Variants in VTI1A observed in about 807,000 individuals in gnomAD.
VTI1A encodes the protein vesicle transport through interaction with t-SNAREs 1A.
In VTI1A, 22 loss-of-function variants were observed where a neutral mutation model predicts 34.9. The observed-to-expected ratio is 0.63, with a 90% CI of 0.45 to 0.90. The LOEUF (loss-of-function observed/expected upper bound fraction) is 0.90, where lower values mean the gene tolerates loss of function less well. Among genes scored for constraint, VTI1A ranks in the 40% least tolerant of loss-of-function variants. The probability of loss-of-function intolerance (pLI) is 0.00; values close to 1 mark genes in which losing one functional copy is unlikely to be tolerated. For synonymous variants in VTI1A, 87 were observed against 97.3 expected (o/e 0.89, Z 0.62); for missense variants, 268 against 275.6 (o/e 0.97, Z 0.20).
intron 5 of VTI1A, among the ~76,000 whole-genome samples, chr10:112,546,100 A>T (rs1851105475): frequency 6.7e-6 from 1 of 149,676 alleles, no homozygotes; most frequent in Non-Finnish European, 1.5e-5. Flanking sequence ...ATGTGTGTAT[A>T]TACGTGTATA....
chr10:112,651,595 C>T (rs1418493320), intron 5 of VTI1A, among the ~76,000 whole-genome samples: 1 of 152,252 alleles, frequency 6.6e-6, no homozygotes, highest in Non-Finnish European at 1.5e-5. Context: ...AGGCGTAAGC[C>T]ACCGTGCCTG....
intron 7 of VTI1A, among the ~76,000 whole-genome samples, chr10:112,781,706 TGGTG>T: frequency 6.6e-6 from 1 of 151,464 alleles, no homozygotes; most frequent in South Asian, 2.1e-4. Context: ...TGGGGTGTGA[TGGTG>T]CACACTCATA....
chr10:112,695,985 G>A (rs888539674), intron 7 of VTI1A, among the ~76,000 whole-genome samples: 1 of 151,980 alleles, frequency 6.6e-6, no homozygotes, highest in Non-Finnish European at 1.5e-5. Context: ...TGTACAAAGT[G>A]CACTAGGCAG....
intron 3 of VTI1A, among the ~76,000 whole-genome samples, chr10:112,509,536 A>T (rs1405073349): frequency 6.6e-6 from 1 of 152,230 alleles, no homozygotes; most frequent in East Asian, 1.9e-4. Context: ...CCTGTGGTTC[A>T]TGTGAGACTC....
rs547213563 is a variant in VTI1A at position 112,543,701 on chromosome 10, A to G, written c.427+5371A>G. Among the ~76,000 whole-genome samples the G allele has an allele frequency of 3.0e-4, 45 of 152,280 alleles. No individual in the cohort carries two copies. In the Middle Eastern group the frequency reaches 0.014, roughly 46 times the overall value. On this transcript the variant is annotated intron_variant, in intron 5 of 7. Coordinates refer to ENST00000393077, the MANE Select transcript of VTI1A (RefSeq NM_145206.4). ...TAGCTTAATTAGATCCCGTTTGTCA[A>G]TTTTGGCTTTTGTTGCCATTGCTTT...
intron 7 of VTI1A, among the ~76,000 whole-genome samples, chr10:112,777,082 T>C (rs1851974770): frequency 6.6e-6 from 1 of 152,226 alleles, no homozygotes; most frequent in Non-Finnish European, 1.5e-5. Context: ...TAGTGGTATG[T>C]AAAAGTTCAC....
At chr10:112,795,167 T>C (rs1295775446) in intron 7 of VTI1A, among the ~76,000 whole-genome samples, 2 of 152,216 alleles carry the variant, frequency 1.3e-5, no homozygotes, top group African/African-American at 4.8e-5. Context: ...CTCACTGTTG[T>C]ATTGCATGTG....
At chr10:112,788,241 G>A (rs981351364) in intron 7 of VTI1A, among the ~76,000 whole-genome samples, 1 of 151,854 alleles carries the variant, frequency 6.6e-6, no homozygotes, top group African/African-American at 2.4e-5. Flanking sequence ...TTGAGAATAG[G>A]GTGGTGAAAT....
chr10:112,712,474 TCACACA>T lies in VTI1A; in HGVS notation c.560+43509_560+43514del, dbSNP rs60129148. On this transcript the variant is annotated intron_variant, in intron 7 of 7. Coordinates refer to ENST00000393077, the MANE Select transcript of VTI1A (RefSeq NM_145206.4). ...TACAGCTAAATGAGATCAACTATTATCACACACACACACACACACACACACACACAC... is the reference window on the plus strand; with the variant it reads ...TACAGCTAAATGAGATCAACTATTATCACACACACACACACACACACACAC... 2.3e-3 allele frequency among the ~76,000 whole-genome samples: 333 copies of T among 143,476 alleles called. 1 individual carries two copies. Among genetic ancestry groups the T allele is most frequent in the East Asian group, 0.016 (77 of 4,850 alleles). 94.1% of individuals were successfully genotyped at this position (143,476 alleles called of 152,430 possible).
the VTI1A span, among the ~76,000 whole-genome samples, chr10:112,847,164 A>ATGT: frequency 1.3e-5 from 2 of 152,124 alleles, no homozygotes; most frequent in Admixed American, 6.5e-5. Context: ...CCTTCAAATT[A>ATGT]TGTTTGTTTC....
Position 112,637,439 on chromosome 10 carries a change from T to G in VTI1A, c.428-30779T>G, listed in dbSNP as rs952517777. Among the ~76,000 whole-genome samples the G allele has an allele frequency of 2.6e-5, 4 of 152,208 alleles. No individual in the cohort carries two copies. In the East Asian group the frequency reaches 5.8e-4, roughly 22 times the overall value. On this transcript the variant is annotated intron_variant, in intron 5 of 7. Transcript: ENST00000393077. ...ATCCCAGCACTTTGGGAGGCCAAGG[T>G]GGGCGGATCACGAGGTCAAGAGATC...
At chr10:112,602,374 A>G (rs991096083) in intron 5 of VTI1A, among the ~76,000 whole-genome samples, 2 of 152,228 alleles carry the variant, frequency 1.3e-5, no homozygotes, top group African/African-American at 4.8e-5. Context: ...AAAATGAGCA[A>G]TTGATATGCA....
chr10:112,672,392 G>A (rs1590053214), intron 7 of VTI1A, among the ~76,000 whole-genome samples: 2 of 152,120 alleles, frequency 1.3e-5, no homozygotes, highest in African/African-American at 2.4e-5. Flanking sequence ...AGTAAAACTC[G>A]ACATCAGAAC....
chr10:112,796,276 GAC>G (rs1852670376), intron 7 of VTI1A, among the ~76,000 whole-genome samples: 1 of 151,822 alleles, frequency 6.6e-6, no homozygotes, highest in African/African-American at 2.4e-5. Flanking sequence ...CATGGTGGCA[GAC>G]ACCTGTAATC....
At chr10:112,675,404 G>A (rs1250341701) in intron 7 of VTI1A, among the ~76,000 whole-genome samples, 1 of 152,110 alleles carries the variant, frequency 6.6e-6, no homozygotes, top group African/African-American at 2.4e-5. Flanking sequence ...TTTCCTCACA[G>A]ATGGTCAGAC....
chr10:112,550,208 C>G (rs931896544), intron 5 of VTI1A, among the ~76,000 whole-genome samples: 2 of 152,214 alleles, frequency 1.3e-5, no homozygotes, highest in African/African-American at 4.8e-5. Flanking sequence ...ATGAAGACTA[C>G]AGCAGATTGT....
chr10:112,744,269 C>T (rs1221545540), intron 7 of VTI1A, among the ~76,000 whole-genome samples: 4 of 152,134 alleles, frequency 2.6e-5, no homozygotes, highest in Non-Finnish European at 5.9e-5. Flanking sequence ...TTCTCAACCC[C>T]CTCCAATTCA....
At chr10:112,637,294 A>G (rs1272893028) in intron 5 of VTI1A, among the ~76,000 whole-genome samples, 1 of 152,226 alleles carries the variant, frequency 6.6e-6, no homozygotes, top group Admixed American at 6.5e-5. Flanking sequence ...TTTTTACAAT[A>G]TACTTTATAT....
intron 7 of VTI1A, among the ~76,000 whole-genome samples, chr10:112,745,539 C>G (rs1805484582): frequency 6.6e-6 from 1 of 152,160 alleles, no homozygotes; most frequent in Non-Finnish European, 1.5e-5. Flanking sequence ...CAGCTCAACA[C>G]AGCTGACAGT....
Sources: allele counts gnomAD v4.1 joint callset (sites outside exome capture counted in the v4.1 genomes callset), GRCh38; gene constraint gnomAD v4.1.1; transcripts MANE v1.5; gene names NCBI Gene and HGNC (gene_info 2026-07-23, HGNC 2026-07-21).